Variants in C1QTNF5 observed in about 807,000 individuals in gnomAD.
C1QTNF5 encodes the protein C1q and TNF related 5.
A neutral mutation model predicts 10.9 loss-of-function variants in C1QTNF5; 5 were observed. The observed-to-expected ratio is 0.46, with a 90% CI of 0.24 to 0.97. C1QTNF5 has a LOEUF of 0.97. Ranked by LOEUF, C1QTNF5 falls within the 50% of genes least tolerant of loss-of-function variation. C1QTNF5 has a pLI of 0.19. For synonymous variants in C1QTNF5, 161 were observed against 156.5 expected (o/e 1.03, Z -0.22); for missense variants, 281 against 339.4 (o/e 0.83, Z 1.35).
At chr11:119,344,809 C>G, upstream of C1QTNF5, 1 of 1,613,698 alleles carries the variant, frequency 6.2e-7, no homozygotes, top group Non-Finnish European at 8.5e-7. Flanking sequence ...ACCCCTTTGA[C>G]AGGACTGGGA....
At chr11:119,342,448 C>T, upstream of C1QTNF5, 1 of 1,007,266 alleles carries the variant, frequency 9.9e-7, no homozygotes, top group Admixed American at 2.4e-5. Flanking sequence ...TTCCAGGACT[C>T]TGTGAAGTGG....
At chr11:119,345,910 G>A (rs199473708), upstream of C1QTNF5, 372 of 1,613,690 alleles carry the variant, frequency 2.3e-4, 4 homozygotes, top group South Asian at 3.8e-3. Flanking sequence ...CGCCCCAGAT[G>A]GGGGTGCAGC....
chr11:119,341,488 G>A (rs562519861), upstream of C1QTNF5: 36 of 1,410,740 alleles, frequency 2.6e-5, no homozygotes, highest in East Asian at 2.7e-4. Flanking sequence ...GTTCCCCTGC[G>A]TGCCAGCCCT....
chr11:119,346,345 A>C, the C1QTNF5 span: 1 of 1,613,908 alleles, frequency 6.2e-7, no homozygotes, highest in East Asian at 2.2e-5. Context: ...GCCCAGACTC[A>C]GGCTCGAAGG....
chr11:119,343,087 C>A (rs1950520180), upstream of C1QTNF5: 2 of 1,514,352 alleles, frequency 1.3e-6, no homozygotes, highest in East Asian at 4.9e-5. Flanking sequence ...TGGCTCTGAG[C>A]TGGGAGCCCT....
At chr11:119,344,336 C>G, upstream of C1QTNF5, 1 of 1,613,870 alleles carries the variant, frequency 6.2e-7, no homozygotes. Context: ...GGTACTGCTG[C>G]AGGTAGCTGG....
At chr11:119,345,913 G>A, upstream of C1QTNF5, 1 of 1,613,704 alleles carries the variant, frequency 6.2e-7, no homozygotes, top group Non-Finnish European at 8.5e-7. Flanking sequence ...CCCAGATGGG[G>A]GTGCAGCCTG....
At position 119,339,285 on chromosome 11, in the gene C1QTNF5, A is replaced by G; in HGVS notation, c.*46T>C. 6.3e-7 allele frequency: 1 copy of G among 1,587,954 alleles called. No individual in the cohort carries two copies. The highest frequency in any genetic ancestry group is 1.1e-5 in the South Asian group (1 of 87,894). On this transcript the variant is annotated 3_prime_UTR_variant, in exon 3 of 3. Coordinates refer to ENST00000528368, the MANE Select transcript of C1QTNF5 (RefSeq NM_001278431.2). The surrounding 1 kb of genome is among the most constrained non-coding windows in gnomAD (Gnocchi z 5.4). ...TGGATGACCTGGTTGTCAGCCTCAC[A>G]CCCTCCTTCTAGGAGTGAGAGCATG...
At chr11:119,340,575 G>T (rs1950492803) in intron 1 of C1QTNF5, 120 bp downstream of exon 1, 2 of 644,296 alleles carry the variant, frequency 3.1e-6, no homozygotes, top group Non-Finnish European at 5.2e-6. Context: ...CCGAGCATCC[G>T]GAGAGCACAG....
At chr11:119,342,676 A>T, upstream of C1QTNF5, 1 of 1,613,652 alleles carries the variant, frequency 6.2e-7, no homozygotes, top group Non-Finnish European at 8.5e-7. Flanking sequence ...CATCCACTGC[A>T]CACCCTTACA....
At chr11:119,344,894 T>A (rs1262804829), upstream of C1QTNF5, 1 of 1,612,964 alleles carries the variant, frequency 6.2e-7, no homozygotes, top group Admixed American at 1.7e-5. Flanking sequence ...GGCCATAGCC[T>A]GGTACCAGGC....
chr11:119,340,235 G>T lies in C1QTNF5; in HGVS notation c.163C>A (p.Arg55Ser). 2 of 1,513,064 alleles carry T rather than the reference G, an allele frequency of 1.3e-6. No individual in the cohort carries two copies. Among genetic ancestry groups the T allele is most frequent in the East Asian group, 2.7e-5 (1 of 36,708 alleles). 93.7% of individuals were successfully genotyped at this position (1,513,064 alleles called of 1,614,324 possible). ...CCCGGAGCCCCGGGCGCGCCGTCGC[G>T]GCCGTCGCGGCCATCGCGGCCCGGC... ...GLPGRDGRDG[R>S]DGAPGAPGEK... The change falls in exon 2 of 3, where the codon CGC (arginine) becomes AGC (serine). Residue 55 changes from arginine to serine, a missense_variant. By Grantham distance (110) the Arg-to-Ser change is moderately radical. Transcript: ENST00000528368.
At chr11:119,342,722 A>C, upstream of C1QTNF5, 1 of 1,613,518 alleles carries the variant, frequency 6.2e-7, no homozygotes, top group Non-Finnish European at 8.5e-7. Flanking sequence ...CTGGGCCCAC[A>C]GGGGTCTGCA....
chr11:119,340,071 C>T, intron 2 of C1QTNF5, 113 bp downstream of exon 2: 2 of 1,340,486 alleles, frequency 1.5e-6, no homozygotes, highest in Non-Finnish European at 2.0e-6. Flanking sequence ...GGCTGCAAAG[C>T]GCGGGGAGTG....
the C1QTNF5 span, chr11:119,346,378 G>A: frequency 6.2e-7 from 1 of 1,613,954 alleles, no homozygotes; most frequent in South Asian, 1.1e-5. Context: ...ACTCGGTCTG[G>A]AAGGGGGAGA....
upstream of C1QTNF5, chr11:119,343,814 A>G (rs1427893304): frequency 5.0e-6 from 8 of 1,613,698 alleles, no homozygotes; most frequent in Non-Finnish European, 6.8e-6. Flanking sequence ...TGGCTCCTGT[A>G]CCTGCCCAGG....
At chr11:119,342,365 C>G (rs1950510802), upstream of C1QTNF5, among the ~76,000 whole-genome samples, 1 of 152,134 alleles carries the variant, frequency 6.6e-6, no homozygotes, top group Non-Finnish European at 1.5e-5. Context: ...TCTTGAAGCC[C>G]CACCAATGAT....
chr11:119,345,480 A>C, upstream of C1QTNF5: 1 of 1,614,100 alleles, frequency 6.2e-7, no homozygotes, highest in Non-Finnish European at 8.5e-7. Flanking sequence ...GCAAGAGGCC[A>C]CACTCTCTAT....
chr11:119,341,240 G>A, upstream of C1QTNF5: 1 of 450,240 alleles, frequency 2.2e-6, no homozygotes. Context: ...AAGGTCAGAA[G>A]GCAGGCGATG....
Sources: gnomAD v4.1 joint callset for allele counts (sites outside exome capture counted in the v4.1 genomes callset) on GRCh38, gnomAD v4.1.1 for gene constraint, Gnocchi (gnomAD v3.1) non-coding constraint, MANE v1.5 for transcripts, NCBI Gene and HGNC (gene_info 2026-07-23, HGNC 2026-07-21) for gene names.